Variants in MICAL3 observed in about 807,000 individuals in gnomAD.
MICAL3 encodes the protein microtubule associated monooxygenase, calponin and LIM domain containing 3, also known as [F-actin]-monooxygenase MICAL3.
A neutral mutation model predicts 207.4 loss-of-function variants in MICAL3; 62 were observed. That is an observed-to-expected ratio of 0.30 (90% CI 0.24 to 0.37). The LOEUF (loss-of-function observed/expected upper bound fraction) is 0.37. Among genes scored for constraint, MICAL3 ranks in the 10% least tolerant of loss-of-function variants. The pLI is 1.00. For missense variants in MICAL3, 2,368 were observed against 2,635.6 expected, an observed-to-expected ratio of 0.90 and a Z score of 2.22; for synonymous variants, 1,077 against 1,069.3, an observed-to-expected ratio of 1.01 and a Z score of -0.14.
At chr22:17,894,304 A>C (rs916882927) in intron 10 of MICAL3, among the ~76,000 whole-genome samples, 2 of 151,554 alleles carry the variant, frequency 1.3e-5, no homozygotes, top group African/African-American at 4.9e-5. Context: ...AAGTGGGAGG[A>C]TCCCTTGAGA....
chr22:17,874,776 G>T (rs890601429), intron 16 of MICAL3, among the ~76,000 whole-genome samples: 1 of 152,220 alleles, frequency 6.6e-6, no homozygotes, highest in East Asian at 1.9e-4. Context: ...AATACCAGTA[G>T]GAGCGGCAAA....
rs1339529885 is a variant in MICAL3 at position 17,818,747 on chromosome 22, T to G, written c.3914A>C (p.Lys1305Thr). 1.2e-6 allele frequency: 2 copies of G among 1,603,242 alleles called. No homozygotes were observed. The highest frequency in any genetic ancestry group is 1.7e-6 in the Non-Finnish European group (2 of 1,172,506). The stretch of plus-strand genomic sequence containing the variant: ...AGCAAGGGGGCTGCCCAGTCTGTCC[T>G]TGGTGTCACTTTGGCTTTGGACAGG... ...PLPVQSQSDT[K>T]DRLGSPLAVD... Residue 1305 changes from lysine to threonine, a missense_variant, in exon 26 of 32, where the codon AAG becomes ACG. Coordinates refer to ENST00000441493, the MANE Select transcript of MICAL3 (RefSeq NM_015241.3).
chr22:17,995,263 A>C (rs1922140457), intron 1 of MICAL3, among the ~76,000 whole-genome samples: 1 of 150,934 alleles, frequency 6.6e-6, no homozygotes, highest in Admixed American at 6.6e-5. Context: ...TGCAGCCTCA[A>C]ACTCCTGGCC....
At chr22:17,849,105 T>A (rs2542338) in intron 19 of MICAL3, among the ~76,000 whole-genome samples, 35,870 of 152,192 alleles carry the variant, frequency 0.24, 4,351 homozygotes, top group African/African-American at 0.29. Context: ...ATTTCTTGCT[T>A]GTGAAGCAGG....
intron 1 of MICAL3, among the ~76,000 whole-genome samples, chr22:17,922,018 T>C (rs1170658359): frequency 6.6e-6 from 1 of 152,100 alleles, no homozygotes. Context: ...CTCTGCCGCC[T>C]CCTCACCTTT....
intron 19 of MICAL3, among the ~76,000 whole-genome samples, chr22:17,842,860 G>A (rs1479410581): frequency 6.6e-6 from 1 of 152,192 alleles, no homozygotes; most frequent in Non-Finnish European, 1.5e-5. Context: ...GGTGGCTCAC[G>A]CCTGTAATCC....
chr22:17,880,844 C>T (rs1929347531), intron 16 of MICAL3, among the ~76,000 whole-genome samples: 1 of 152,238 alleles, frequency 6.6e-6, no homozygotes, highest in East Asian at 1.9e-4. Context: ...CTTACTCCAC[C>T]TCACTGTGCA....
intron 1 of MICAL3, among the ~76,000 whole-genome samples, chr22:17,922,298 G>T (rs1247583746): frequency 6.6e-6 from 1 of 152,132 alleles, no homozygotes; most frequent in African/African-American, 2.4e-5. Flanking sequence ...AAGAAAGAAG[G>T]AAAAAGATAA....
intron 13 of MICAL3, 100 bp from the exon 14 acceptor site, chr22:17,887,535 G>T (rs542193170): frequency 2.8e-6 from 2 of 724,006 alleles, no homozygotes; most frequent in African/African-American, 3.6e-5. Flanking sequence ...CAGAGCCTCA[G>T]AAGGCTCTAA....
At chr22:17,887,529 G>C (rs1402674832) in intron 13 of MICAL3, 94 bp from the exon 14 acceptor site, 1 of 735,578 alleles carries the variant, frequency 1.4e-6, no homozygotes, top group Non-Finnish European at 2.3e-6. Context: ...GGTTCGCAGA[G>C]CCTCAGAAGG....
rs73386317 is a variant in MICAL3, at chr22:17,861,368, T to C, written c.2605+3531A>G. ...CATTTTTTAACTTCAGATCATCTTT[T>C]CCATAAGATGACAGGAAACTAACGT... On this transcript the variant is annotated intron_variant, in intron 19 of 31. Transcript: ENST00000441493. 0.011 allele frequency: 10,868 copies of C among 985,432 alleles called. 644 individuals carry two copies. In the African/African-American group the frequency reaches 0.15, roughly 14 times the overall value. 61.0% of individuals were successfully genotyped at this position (985,432 alleles called of 1,614,324 possible).
intron 11 of MICAL3, 35 bp downstream of exon 11, chr22:17,893,773 T>G: frequency 6.9e-7 from 1 of 1,447,614 alleles, no homozygotes; most frequent in Admixed American, 2.0e-5. Flanking sequence ...CTGAAGGGGC[T>G]GCCTGCATTT....
intron 1 of MICAL3, among the ~76,000 whole-genome samples, chr22:17,959,614 G>A (rs943496682): frequency 3.9e-5 from 6 of 152,286 alleles, no homozygotes; most frequent in African/African-American, 1.2e-4. Flanking sequence ...CACACCTCAG[G>A]GCCTGTTTTA....
intron 1 of MICAL3, among the ~76,000 whole-genome samples, chr22:17,967,964 A>G (rs1426215134): frequency 6.6e-6 from 1 of 151,838 alleles, no homozygotes; most frequent in East Asian, 1.9e-4. Context: ...AATCGCTTGA[A>G]CCTGGGAGGC....
chr22:17,977,790 G>A (rs1027119160), intron 1 of MICAL3, among the ~76,000 whole-genome samples: 14 of 152,184 alleles, frequency 9.2e-5, no homozygotes, highest in Middle Eastern at 3.4e-3. Flanking sequence ...TTGGGAGGCC[G>A]AGGCAGGAGG....
At chr22:17,831,818 G>A (rs1922844244) in intron 21 of MICAL3, 36 bp downstream of exon 21, 3 of 1,539,990 alleles carry the variant, frequency 1.9e-6, no homozygotes, top group African/African-American at 1.4e-5. Context: ...ACTTTGGGGG[G>A]CAGGGCAGAG....
chr22:17,970,979 C>T (rs1376446174), intron 1 of MICAL3, among the ~76,000 whole-genome samples: 1 of 151,914 alleles, frequency 6.6e-6, no homozygotes, highest in East Asian at 1.9e-4. Flanking sequence ...CTCAGGAGTT[C>T]GAGACCAGCC....
At chr22:17,899,056 C>T (rs1252312191) in intron 7 of MICAL3, among the ~76,000 whole-genome samples, 2 of 152,190 alleles carry the variant, frequency 1.3e-5, no homozygotes, top group Non-Finnish European at 2.9e-5. Context: ...ATATGGAAAT[C>T]ACAATAACCA....
At position 17,989,505 on chromosome 22, in the gene MICAL3, A is replaced by G. The variant is rs181004227; in HGVS notation, c.-75+34776T>C. On this transcript the variant is annotated intron_variant, in intron 1 of 31. Transcript: ENST00000441493. ...CAGCAGCTCATCAATGCTGAAGGCA[A>G]CCCCAGCCTGGCCAGGCTGGCCTCC... Among the ~76,000 whole-genome samples the G allele has an allele frequency of 3.6e-3, 547 of 151,722 alleles. 8 individuals carry two copies. Among genetic ancestry groups the G allele is most frequent in the African/African-American group, 0.013 (525 of 41,346 alleles).
Sources: gnomAD v4.1 joint callset for allele counts (sites outside exome capture counted in the v4.1 genomes callset) on GRCh38, gnomAD v4.1.1 for gene constraint, MANE v1.5 for transcripts, NCBI Gene and HGNC (gene_info 2026-07-23, HGNC 2026-07-21) for gene names.